The following RNF144A variants were observed in gnomAD, a reference collection of about 807,000 sequenced individuals.
RNF144A encodes the protein E3 ubiquitin-protein ligase RNF144A.
Under a neutral mutation model 38.7 loss-of-function variants are expected in RNF144A, and 11 were observed. The observed-to-expected ratio is 0.28, with a 90% confidence interval of 0.18 to 0.47. The LOEUF (loss-of-function observed/expected upper bound fraction) is 0.47. Ranked by LOEUF, RNF144A falls within the 20% of genes least tolerant of loss-of-function variation. The pLI is 0.99. For missense variants in RNF144A, 316 were observed against 377.2 expected, an observed-to-expected ratio of 0.84 and a Z score of 1.34; for synonymous variants, 149 against 143.9, an observed-to-expected ratio of 1.04 and a Z score of -0.25.
At chr2:7,035,683 C>T (rs1672625535) in intron 8 of RNF144A, among the ~76,000 whole-genome samples, 1 of 152,184 alleles carries the variant, frequency 6.6e-6, no homozygotes, top group South Asian at 2.1e-4. Flanking sequence ...TTGAAAGGTT[C>T]CTTCTCCCCA....
At chr2:6,984,445 G>A (rs1312330995) in intron 2 of RNF144A, among the ~76,000 whole-genome samples, 1 of 152,112 alleles carries the variant, frequency 6.6e-6, no homozygotes, top group Non-Finnish European at 1.5e-5. Flanking sequence ...TGGGATTACA[G>A]GCTCCCGCCA....
chr2:6,993,349 T>A (rs1014763815), intron 2 of RNF144A, among the ~76,000 whole-genome samples: 1 of 152,068 alleles, frequency 6.6e-6, no homozygotes, highest in African/African-American at 2.4e-5. Context: ...GGGAAGCCAC[T>A]GGGGGCCAGA....
At position 6,941,450 on chromosome 2, in the gene RNF144A, G is replaced by A. The variant is rs1156986915; in HGVS notation, c.-12+303G>A. Among the ~76,000 whole-genome samples the A allele has an allele frequency of 6.6e-6, 1 of 152,230 alleles. No individual in the cohort carries two copies. The highest frequency in any genetic ancestry group is 1.5e-5 in the Non-Finnish European group (1 of 68,040). ...TTTTAGATCTCCCTGATTCACTAGA[G>A]AACACGTGGATTGAGCTCCTGCGTG... On this transcript the variant is annotated intron_variant, in intron 2 of 8. Transcript: ENST00000320892. This position sits in a 1 kb window ranked among gnomAD's most constrained non-coding sequence, Gnocchi z 6.5.
chr2:6,930,139 G>GT (rs1003660107), intron 1 of RNF144A, among the ~76,000 whole-genome samples: 1 of 152,170 alleles, frequency 6.6e-6, no homozygotes, highest in African/African-American at 2.4e-5. Context: ...ATTTCTTCAT[G>GT]TTTTTTAAAG....
At chr2:7,025,907 G>A (rs879533295) in intron 7 of RNF144A, among the ~76,000 whole-genome samples, 1 of 152,160 alleles carries the variant, frequency 6.6e-6, no homozygotes, top group Non-Finnish European at 1.5e-5. Context: ...GACAGTCAGA[G>A]CAAGTCCATG....
At chr2:7,032,184 G>C (rs1358169344) in intron 8 of RNF144A, among the ~76,000 whole-genome samples, 1 of 151,802 alleles carries the variant, frequency 6.6e-6, no homozygotes, top group Non-Finnish European at 1.5e-5. Flanking sequence ...GGCACGGCTT[G>C]AATCCACGCC....
In RNF144A at chr2:6,941,532, C is replaced by G. The variant is rs1051339129; in HGVS notation, c.-12+385C>G. On this transcript the variant is annotated intron_variant, in intron 2 of 8. Coordinates refer to ENST00000320892, the MANE Select transcript of RNF144A (RefSeq NM_014746.6). This position sits in a 1 kb window ranked among gnomAD's most constrained non-coding sequence, Gnocchi z 6.5. ...GAGGCAGCACCAGTGCCTGCTCTCA[C>G]GAAGATTCTGTGTTTGTGAGGAATA... Among the ~76,000 whole-genome samples, 1 of 152,136 alleles carries G rather than the reference C, an allele frequency of 6.6e-6. No homozygotes were observed. The highest frequency in any genetic ancestry group is 1.5e-5 in the Non-Finnish European group (1 of 68,032).
At chr2:7,014,301 A>G (rs1013539258) in intron 3 of RNF144A, among the ~76,000 whole-genome samples, 153 bp from the exon 4 acceptor site, 1 of 152,266 alleles carries the variant, frequency 6.6e-6, no homozygotes, top group Non-Finnish European at 1.5e-5. Flanking sequence ...ATAAAACCTC[A>G]AAACCTCAAA....
chr2:6,964,203 A>G (rs1310927329), intron 2 of RNF144A, among the ~76,000 whole-genome samples: 2 of 152,218 alleles, frequency 1.3e-5, no homozygotes, highest in Non-Finnish European at 2.9e-5. Context: ...TATGCAGCCA[A>G]AAAACACATG....
Position 7,043,746 on chromosome 2 carries a change from G to C in RNF144A, c.*3986G>C. On this transcript the variant is annotated 3_prime_UTR_variant, in exon 9 of 9. Transcript: ENST00000320892. ...AGGGTCTCCACCCTTCCTTTGATTT[G>C]TGCAATTCTGTCTTCCACAGTTCCG... The C allele has an allele frequency of 1.0e-6, 1 of 985,856 alleles. No individual in the cohort carries two copies. The highest frequency in any genetic ancestry group is 1.1e-4 in the East Asian group (1 of 8,824). 61.1% of individuals were successfully genotyped at this position (985,856 alleles called of 1,614,324 possible). A position where few individuals can be genotyped will look rare whatever the true frequency, so the allele number is the denominator to read the frequency against.
intron 2 of RNF144A, among the ~76,000 whole-genome samples, chr2:6,950,569 C>T (rs1666613223): frequency 6.6e-6 from 1 of 151,980 alleles, no homozygotes; most frequent in Admixed American, 6.6e-5. Flanking sequence ...CACAGCTGGG[C>T]CTGAAAAATA....
intron 3 of RNF144A, among the ~76,000 whole-genome samples, chr2:7,007,180 G>A (rs545027925): frequency 4.6e-5 from 7 of 152,226 alleles, no homozygotes; most frequent in South Asian, 4.1e-4. Flanking sequence ...AGCAGGTAGC[G>A]TCCTCAACCC....
chr2:6,954,817 G>T (rs542946484), intron 2 of RNF144A, among the ~76,000 whole-genome samples: 13 of 152,338 alleles, frequency 8.5e-5, no homozygotes, highest in African/African-American at 3.1e-4. Context: ...CTTTGCAAAT[G>T]TGGAAAGAAC....
chr2:6,932,180 T>A (rs1402691304), intron 1 of RNF144A, among the ~76,000 whole-genome samples: 1 of 152,252 alleles, frequency 6.6e-6, no homozygotes, highest in Non-Finnish European at 1.5e-5. Flanking sequence ...TTTGTTGTGA[T>A]GATTTTTTTC....
downstream of RNF144A, among the ~76,000 whole-genome samples, chr2:7,069,317 T>C (rs1261060124): frequency 6.6e-6 from 1 of 152,238 alleles, no homozygotes; most frequent in Non-Finnish European, 1.5e-5. Context: ...ATTTCTCTCT[T>C]AATTTTTAGC....
At chr2:6,986,215 G>A (rs1668953828) in intron 2 of RNF144A, among the ~76,000 whole-genome samples, 1 of 152,086 alleles carries the variant, frequency 6.6e-6, no homozygotes, top group Admixed American at 6.5e-5. Flanking sequence ...AGGGTCACAT[G>A]GGTCAGTCAT....
chr2:7,039,809 T>A lies in RNF144A; in HGVS notation c.*49T>A, dbSNP rs772351212. The A allele has an allele frequency of 6.2e-7, 1 of 1,602,652 alleles. No homozygotes were observed. Among genetic ancestry groups the A allele is most frequent in the African/African-American group, 1.3e-5 (1 of 74,716 alleles). ...TCCCTGCCTCCGGGAAGTGTGGCTC[T>A]CCCCCAACCCTCCCCACCGTCCCCC... On this transcript the variant is annotated 3_prime_UTR_variant, in exon 9 of 9. Transcript: ENST00000320892.
chr2:7,046,861 T>C (rs1221223281), downstream of RNF144A, among the ~76,000 whole-genome samples: 1 of 152,256 alleles, frequency 6.6e-6, no homozygotes, highest in African/African-American at 2.4e-5. Context: ...TGGGTCTTTT[T>C]AAAATATATT....
At chr2:6,974,190 C>G (rs772875324) in intron 2 of RNF144A, among the ~76,000 whole-genome samples, 1 of 152,188 alleles carries the variant, frequency 6.6e-6, no homozygotes, top group Non-Finnish European at 1.5e-5. Context: ...GTATTGATTT[C>G]TCAAGAAAGG....
Sources: allele counts gnomAD v4.1 joint callset (sites outside exome capture counted in the v4.1 genomes callset), GRCh38; gene constraint gnomAD v4.1.1; non-coding constraint Gnocchi (gnomAD v3.1); transcripts MANE v1.5; gene names NCBI Gene and HGNC (gene_info 2026-07-23, HGNC 2026-07-21).